Variants in USP17L7 observed in about 807,000 individuals in gnomAD.
The protein encoded by USP17L7 is inactive ubiquitin carboxyl-terminal hydrolase 17-like protein 7.
A neutral mutation model predicts 37.6 loss-of-function variants in USP17L7; 53 were observed. That is an observed-to-expected ratio of 1.41 (90% confidence interval 1.13 to 1.77). The LOEUF (loss-of-function observed/expected upper bound fraction) is 1.77. USP17L7 is among the 40% of genes most tolerant of loss of function. USP17L7 has a pLI of 0.00. For synonymous variants in USP17L7, 330 were observed against 251.0 expected (o/e 1.31, Z -2.98); for missense variants, 914 against 645.0 (o/e 1.42, Z -4.52).
At position 12,132,497 on chromosome 8, in the gene USP17L7, G is replaced by C; in HGVS notation, c.1513C>G (p.Leu505Val). The change falls in exon 1 of 1, where the codon CTC (leucine) becomes GTC (valine). Residue 505 changes from leucine to valine, a missense_variant. By Grantham distance (32) the Leu-to-Val change is conservative. Transcript: ENST00000530447. ...CTGGTGCTCCCTTGCAGAGAAGCGA[G>C]TGTGCCAGTGTTCATGGACTCCTGA... ...TDQESMNTGT[L>V]ASLQGSTRRS... The C allele has an allele frequency of 6.8e-7, 1 of 1,469,498 alleles. No individual in the cohort carries two copies. Among genetic ancestry groups the C allele is most frequent in the Non-Finnish European group, 9.3e-7 (1 of 1,074,150 alleles). The allele number at this position is 1,469,498 out of a possible 1,614,324, so 91.0% of individuals were successfully genotyped here. A position where few individuals can be genotyped will look rare whatever the true frequency, so the allele number is the denominator to read the frequency against.
In USP17L7 at chr8:12,133,170, C is replaced by G. The variant is rs775058697; in HGVS notation, c.840G>C (p.Leu280Phe). 1 of 1,511,342 alleles carries G rather than the reference C, an allele frequency of 6.6e-7. No individual in the cohort carries two copies. The allele number at this position is 1,511,342 out of a possible 1,614,324, so 93.6% of individuals were successfully genotyped here. A position where few individuals can be genotyped will look rare whatever the true frequency, so the allele number is the denominator to read the frequency against. The change falls in exon 1 of 1, where the codon TTG becomes TTC. Residue 280 changes from leucine to phenylalanine, a missense_variant. Physicochemically the swap from Leu to Phe is conservative, Grantham distance 22 (BLOSUM62 0). Transcript: ENST00000530447. The stretch of plus-strand genomic sequence containing the variant: ...TGCCTGTGACATCGGAGAATCTCTT[C>G]AATACAAGAATGAGGACCTTGGCAG... ...PTSAKVLILVLKRFSDVTGNK... is the reference protein window; with the variant it reads ...PTSAKVLILVFKRFSDVTGNK...
chr8:12,133,093 T>C lies in USP17L7; in HGVS notation c.917A>G (p.Tyr306Cys), dbSNP rs1260293281. Reference protein sequence around the residue: ...QYPKCRDMQPYMSQQNTGPLV... With the variant: ...QYPKCRDMQPCMSQQNTGPLV... ...AGGTCCTGTGTTCTGCTGAGACATG[T>C]ATGGCTGCATGTCACGGCACTTAGG... The change falls in exon 1 of 1, where the codon TAC becomes TGC. Residue 306 changes from tyrosine (Y) to cysteine (C), a missense_variant. Tyr to Cys is a radical substitution (Grantham distance 194, BLOSUM62 -2). Transcript: ENST00000530447. 5.4e-6 allele frequency: 8 copies of C among 1,478,576 alleles called. No individual in the cohort carries two copies. Among genetic ancestry groups the C allele is most frequent in the Non-Finnish European group, 7.4e-6 (8 of 1,082,142 alleles). The allele number at this position is 1,478,576 out of a possible 1,614,324, so 91.6% of individuals were successfully genotyped here. A position where few individuals can be genotyped will look rare whatever the true frequency, so the allele number is the denominator to read the frequency against.
chr8:12,133,931 C>A lies in USP17L7; in HGVS notation c.79G>T (p.Ala27Ser). ...GTCCGCTGGATTTCAGCAAAAGCTG[C>A]ATCTAGCCGAGAAGATGTGAGTTTT... ...FSKLTSSRLD[A>S]AFAEIQRTSL... The change falls in exon 1 of 1, where the codon GCA becomes TCA. Residue 27 changes from alanine (A) to serine (S), a missense_variant. Ala to Ser is a moderately conservative substitution (Grantham distance 99). Coordinates refer to ENST00000530447, the MANE Select transcript of USP17L7 (RefSeq NM_001256869.2). 1.4e-6 allele frequency: 2 copies of A among 1,409,734 alleles called. No individual in the cohort carries two copies. Among genetic ancestry groups the A allele is most frequent in the Non-Finnish European group, 2.0e-6 (2 of 1,020,714 alleles). The allele number at this position is 1,409,734 out of a possible 1,614,324, so 87.3% of individuals were successfully genotyped here.
rs1305359211 is a variant in USP17L7, at chr8:12,134,076, T to A, written c.-67A>T. The A allele has an allele frequency of 1.2e-4, 97 of 815,236 alleles. 7 individuals are homozygous for A. Among genetic ancestry groups the A allele is most frequent in the Non-Finnish European group, 1.7e-4 (83 of 483,476 alleles). The allele number at this position is 815,236 out of a possible 1,614,324, so 50.5% of individuals were successfully genotyped here. On this transcript the variant is annotated 5_prime_UTR_variant, in exon 1 of 1. It adds an upstream start codon to the 5' untranslated region. Coordinates refer to ENST00000530447, the MANE Select transcript of USP17L7 (RefSeq NM_001256869.2). ...GCAGGTTGCAGCAAGACGCTATCTC[T>A]TCCGAGAGAGTCTTCAAATGACCAG...
At position 12,133,520 on chromosome 8, in the gene USP17L7, A is replaced by T; in HGVS notation, c.490T>A (p.Phe164Ile). ...HRGEQEDAHEFLMFTVDAMKK... is the reference protein window; with the variant it reads ...HRGEQEDAHEILMFTVDAMKK... The stretch of plus-strand genomic sequence containing the variant: ...ATGGCATCCACAGTAAACATGAGAA[A>T]TTCATGGGCATCCTCCTGCTCACCT... Residue 164 changes from phenylalanine to isoleucine, a missense_variant, in exon 1 of 1, where the codon TTT (phenylalanine) becomes ATT (isoleucine). Coordinates refer to ENST00000530447, the MANE Select transcript of USP17L7 (RefSeq NM_001256869.2). 1 of 1,468,544 alleles carries T rather than the reference A, an allele frequency of 6.8e-7. No homozygotes were observed. The highest frequency in any genetic ancestry group is 9.3e-7 in the Non-Finnish European group (1 of 1,074,234). The allele number at this position is 1,468,544 out of a possible 1,614,324, so 91.0% of individuals were successfully genotyped here.
rs577655176 is a variant in USP17L7, at chr8:12,133,719, G to A, written c.291C>T (p.Cys97=). The part of the protein sequence containing the change: ...NTFYVNVSLQ[C]LTYTLPLSNY... ...TGGAAAGCGGCAGTGTGTATGTCAG[G>A]CACTGCAGGGAAACGTTCACATAGA... Residue 97 remains cysteine (C), a synonymous_variant, in exon 1 of 1, where the codon TGC becomes TGT. Transcript: ENST00000530447. 4.9e-5 allele frequency: 65 copies of A among 1,322,314 alleles called. 10 individuals are homozygous for A. The East Asian group carries it at 6.7e-4, about 14-fold the overall frequency. 81.9% of individuals were successfully genotyped at this position (1,322,314 alleles called of 1,614,324 possible).
chr8:12,132,847 C>T lies in USP17L7; in HGVS notation c.1163G>A (p.Gly388Asp), dbSNP rs1217391938. The part of the protein sequence containing the change: ...WERHSESVSR[G>D]REPRALGAED... ...AGCACCAAGGGCTCTTGGTTCCCTG[C>T]CTCTTGACACACTCTCACTGTGTCT... Residue 388 changes from glycine (G) to aspartate (D), a missense_variant, in exon 1 of 1, where the codon GGC becomes GAC. By Grantham distance (94) the Gly-to-Asp change is moderately conservative. Transcript: ENST00000530447. 1 of 1,503,790 alleles carries T rather than the reference C, an allele frequency of 6.6e-7. No homozygotes were observed. Among genetic ancestry groups the T allele is most frequent in the Non-Finnish European group, 9.1e-7 (1 of 1,102,384 alleles). The allele number at this position is 1,503,790 out of a possible 1,614,324, so 93.2% of individuals were successfully genotyped here. A position where few individuals can be genotyped will look rare whatever the true frequency, so the allele number is the denominator to read the frequency against.
At position 12,132,695 on chromosome 8, in the gene USP17L7, A is replaced by G. The variant is rs770762436; in HGVS notation, c.1315T>C (p.Phe439Leu). ...TTCGTTTTGTTTTGCTCTTGGGGGA[A>G]TTTCCAGTGGTCTAAGGTGCTTTCC... The part of the protein sequence containing the change: ...TQESTLDHWK[F>L]PQEQNKTKPE... The change falls in exon 1 of 1, where the codon TTC becomes CTC. Residue 439 changes from phenylalanine to leucine, a missense_variant. Transcript: ENST00000530447. 2.2e-5 allele frequency: 34 copies of G among 1,544,348 alleles called. 4 individuals carry two copies. In the Admixed American group the frequency reaches 2.3e-4, roughly 10 times the overall value.
rs1803060758 is a variant in USP17L7 at position 12,133,813 on chromosome 8, T to C, written c.197A>G (p.Glu66Gly). 1 of 1,524,068 alleles carries C rather than the reference T, an allele frequency of 6.6e-7. No homozygotes were observed. The highest frequency in any genetic ancestry group is 8.9e-7 in the Non-Finnish European group (1 of 1,122,558). The allele number at this position is 1,524,068 out of a possible 1,614,324, so 94.4% of individuals were successfully genotyped here. Residue 66 changes from glutamate to glycine, a missense_variant, in exon 1 of 1, where the codon GAG (glutamate) becomes GGG (glycine). Glu to Gly is a moderately conservative substitution (Grantham distance 98). Transcript: ENST00000530447. ...TCTCCTGCTACTCAGAGGAAGCTTC[T>C]CCCTGGGAGCAAGCTGTCTTGCCAC... Reference protein sequence around the residue: ...APVARQLAPREKLPLSSRRPA... With the variant: ...APVARQLAPRGKLPLSSRRPA...
rs1803063490 is a variant in USP17L7, at chr8:12,133,847, A to C, written c.163T>G (p.Leu55Val). The C allele has an allele frequency of 6.5e-7, 1 of 1,527,500 alleles. No individual in the cohort carries two copies. Among genetic ancestry groups the C allele is most frequent in the Non-Finnish European group, 8.9e-7 (1 of 1,125,496 alleles). The allele number at this position is 1,527,500 out of a possible 1,614,324, so 94.6% of individuals were successfully genotyped here. ...GCAAGCTGTCTTGCCACAGGAGCCA[A>C]ATCATCACAGAGGTCGAAACGGGTC... ...SETRFDLCDDLAPVARQLAPR... is the reference protein window; with the variant it reads ...SETRFDLCDDVAPVARQLAPR... The change falls in exon 1 of 1, where the codon TTG (leucine) becomes GTG (valine). Residue 55 changes from leucine (L) to valine (V), a missense_variant. By Grantham distance (32) the Leu-to-Val change is conservative (BLOSUM62 1). Transcript: ENST00000530447.
rs117041743 is a variant in USP17L7 at position 12,133,701 on chromosome 8, C to A, written c.309G>T (p.Pro103=). The A allele has an allele frequency of 7.8e-6, 10 of 1,282,394 alleles. No individual in the cohort carries two copies. Among genetic ancestry groups the A allele is most frequent in the Non-Finnish European group, 6.6e-6 (6 of 903,918 alleles). 79.4% of individuals were successfully genotyped at this position (1,282,394 alleles called of 1,614,324 possible). A position where few individuals can be genotyped will look rare whatever the true frequency, so the allele number is the denominator to read the frequency against. The change falls in exon 1 of 1, where the codon CCG becomes CCT. Residue 103 remains proline, a synonymous_variant. Coordinates refer to ENST00000530447, the MANE Select transcript of USP17L7 (RefSeq NM_001256869.2). ...CCCGGGACAGCATGTAGTTGGAAAGCGGCAGTGTGTATGTCAGGCACTGCA... is the reference window on the plus strand; with the variant it reads ...CCCGGGACAGCATGTAGTTGGAAAGAGGCAGTGTGTATGTCAGGCACTGCA... The part of the protein sequence containing the change: ...VSLQCLTYTL[P]LSNYMLSRED...
In USP17L7 at chr8:12,133,542, A is replaced by T. The variant is rs550377621; in HGVS notation, c.468T>A (p.Gly156=). Residue 156 remains glycine (G), a synonymous_variant, in exon 1 of 1, where the codon GGT becomes GGA. Coordinates refer to ENST00000530447, the MANE Select transcript of USP17L7 (RefSeq NM_001256869.2). The stretch of plus-strand genomic sequence containing the variant: ...GAAATTCATGGGCATCCTCCTGCTC[A>T]CCTCTATGGAAGCCAGCAGCCAATA... ...SQVLAAGFHR[G]EQEDAHEFLM... is the part of the protein sequence containing the mutation. The T allele has an allele frequency of 1.4e-6, 2 of 1,436,806 alleles. No individual in the cohort carries two copies. The highest frequency in any genetic ancestry group is 1.3e-5 in the South Asian group (1 of 78,592). 89.0% of individuals were successfully genotyped at this position (1,436,806 alleles called of 1,614,324 possible).
chr8:12,134,050 C>G lies in USP17L7; in HGVS notation c.-41G>C, dbSNP rs547749183. 10 of 878,152 alleles carry G rather than the reference C, an allele frequency of 1.1e-5. 1 individual carries two copies. The highest frequency in any genetic ancestry group is 7.3e-5 in the South Asian group (5 of 68,820). The allele number at this position is 878,152 out of a possible 1,614,324, so 54.4% of individuals were successfully genotyped here. On this transcript the variant is annotated 5_prime_UTR_variant, in exon 1 of 1. Coordinates refer to ENST00000530447, the MANE Select transcript of USP17L7 (RefSeq NM_001256869.2). ...GATCACAAGGTTTTTCTGCTGGGACCGCAGGTTGCAGCAAGACGCTATCTC... is the reference window on the plus strand; with the variant it reads ...GATCACAAGGTTTTTCTGCTGGGACGGCAGGTTGCAGCAAGACGCTATCTC...
Position 12,133,256 on chromosome 8 carries a change from A to C in USP17L7, c.754T>G (p.Tyr252Asp), listed in dbSNP as rs1803013001. 2 of 1,512,376 alleles carry C rather than the reference A, an allele frequency of 1.3e-6. No individual in the cohort carries two copies. The highest frequency in any genetic ancestry group is 2.8e-5 in the African/African-American group (2 of 71,678). 93.7% of individuals were successfully genotyped at this position (1,512,376 alleles called of 1,614,324 possible). The part of the protein sequence containing the change: ...KPKELNGENA[Y>D]HCGLCLQKAP... ...TTCTGGAGACAAAGACCACAATGAT[A>C]GGCATTCTCTCCATTGAGTTCTTTG... Residue 252 changes from tyrosine (Y) to aspartate (D), a missense_variant, in exon 1 of 1, where the codon TAT (tyrosine) becomes GAT (aspartate). Coordinates refer to ENST00000530447, the MANE Select transcript of USP17L7 (RefSeq NM_001256869.2).
Position 12,133,930 on chromosome 8 carries a change from G to A in USP17L7, c.80C>T (p.Ala27Val), listed in dbSNP as rs1202857233. Residue 27 changes from alanine (A) to valine (V), a missense_variant, in exon 1 of 1, where the codon GCA (alanine) becomes GTA (valine). By Grantham distance (64) the Ala-to-Val change is moderately conservative (BLOSUM62 0). Transcript: ENST00000530447. ...FSKLTSSRLD[A>V]AFAEIQRTSL... is the part of the protein sequence containing the mutation. ...AGTCCGCTGGATTTCAGCAAAAGCTGCATCTAGCCGAGAAGATGTGAGTTT... is the reference window on the plus strand; with the variant it reads ...AGTCCGCTGGATTTCAGCAAAAGCTACATCTAGCCGAGAAGATGTGAGTTT... 7.1e-7 allele frequency: 1 copy of A among 1,409,878 alleles called. No individual in the cohort carries two copies. Among genetic ancestry groups the A allele is most frequent in the Non-Finnish European group, 9.8e-7 (1 of 1,020,936 alleles). 87.3% of individuals were successfully genotyped at this position (1,409,878 alleles called of 1,614,324 possible).
In USP17L7 at chr8:12,133,750, T is replaced by A. The variant is rs769272975; in HGVS notation, c.260A>T (p.Asn87Ile). 15 of 1,426,856 alleles carry A rather than the reference T, an allele frequency of 1.1e-5. No individual in the cohort carries two copies. The highest frequency in any genetic ancestry group is 1.4e-5 in the Non-Finnish European group (15 of 1,035,034). 88.4% of individuals were successfully genotyped at this position (1,426,856 alleles called of 1,614,324 possible). The change falls in exon 1 of 1, where the codon AAT becomes ATT. Residue 87 changes from asparagine (N) to isoleucine (I), a missense_variant. By Grantham distance (149) the Asn-to-Ile change is moderately radical (BLOSUM62 -3). Transcript: ENST00000530447. ...AVGAGLQKIG[N>I]TFYVNVSLQC... is the part of the protein sequence containing the mutation. ...CAGGGAAACGTTCACATAGAAGGTA[T>A]TTCCTATCTTCTGGAGCCCAGCCCC...
chr8:12,133,985 C>T lies in USP17L7; in HGVS notation c.25G>A (p.Gly9Arg), dbSNP rs757607477. 8.1e-6 allele frequency: 9 copies of T among 1,110,500 alleles called. No homozygotes were observed. The highest frequency in any genetic ancestry group is 1.1e-5 in the Non-Finnish European group (8 of 748,946). The allele number at this position is 1,110,500 out of a possible 1,614,324, so 68.8% of individuals were successfully genotyped here. The change falls in exon 1 of 1, where the codon GGA (glycine) becomes AGA (arginine). Residue 9 changes from glycine to arginine, a missense_variant. By Grantham distance (125) the Gly-to-Arg change is moderately radical. Coordinates refer to ENST00000530447, the MANE Select transcript of USP17L7 (RefSeq NM_001256869.2). ...AAGTGATTGAACTGCCAGTCACCTCCCAAATAGAGTGAGTCGTCTTCCATG... is the reference window on the plus strand; with the variant it reads ...AAGTGATTGAACTGCCAGTCACCTCTCAAATAGAGTGAGTCGTCTTCCATG... Reference protein sequence around the residue: MEDDSLYLGGDWQFNHFSK... With the variant: MEDDSLYLRGDWQFNHFSK...
Position 12,132,742 on chromosome 8 carries a change from T to A in USP17L7, c.1268A>T (p.His423Leu). The change falls in exon 1 of 1, where the codon CAC (histidine) becomes CTC (leucine). Residue 423 changes from histidine to leucine, a missense_variant. Physicochemically the swap from His to Leu is moderately conservative, Grantham distance 99. Coordinates refer to ENST00000530447, the MANE Select transcript of USP17L7 (RefSeq NM_001256869.2). ...TTCCTGAGTGGCTCTTTCCACCAAG[T>A]GCTCGTCCAACTCGGGTACCTGGAG... ...PCLQVPELDE[H>L]LVERATQEST... is the part of the protein sequence containing the mutation. 6.5e-7 allele frequency: 1 copy of A among 1,536,092 alleles called. No homozygotes were observed. The highest frequency in any genetic ancestry group is 8.8e-7 in the Non-Finnish European group (1 of 1,131,134).
In USP17L7 at chr8:12,133,299, C is replaced by A. The variant is rs773253316; in HGVS notation, c.711G>T (p.Leu237Phe). Residue 237 changes from leucine to phenylalanine, a missense_variant, in exon 1 of 1, where the codon TTG becomes TTT. Leu to Phe is a conservative substitution (Grantham distance 22). Transcript: ENST00000530447. ...GTTCTTTGGGCTTCACCAACTGTTC[C>A]AAAGCTTGCTTGACACTCTGAGCTG... is the stretch of plus-strand genomic sequence containing the variant. ...IQAAQSVKQALEQLVKPKELN... is the reference protein window; with the variant it reads ...IQAAQSVKQAFEQLVKPKELN... The A allele has an allele frequency of 2.6e-6, 4 of 1,517,160 alleles. 1 individual carries two copies. Among genetic ancestry groups the A allele is most frequent in the Non-Finnish European group, 3.6e-6 (4 of 1,121,010 alleles). 94.0% of individuals were successfully genotyped at this position (1,517,160 alleles called of 1,614,324 possible). A position where few individuals can be genotyped will look rare whatever the true frequency, so the allele number is the denominator to read the frequency against.
Sources: allele counts gnomAD v4.1 joint callset, GRCh38; gene constraint gnomAD v4.1.1; transcripts MANE v1.5; gene names NCBI Gene and HGNC (gene_info 2026-07-23, HGNC 2026-07-21).